DCP2: variants seen among roughly 807,000 people sequenced by gnomAD.
DCP2 encodes decapping mRNA 2.
DCP2 carries 30 observed loss-of-function variants against 56.1 expected under a neutral mutation model. That is an observed-to-expected ratio of 0.53 (90% CI 0.40 to 0.73). DCP2 has a LOEUF of 0.73. Among genes scored for constraint, DCP2 ranks in the 30% least tolerant of loss-of-function variants. The pLI is 0.00. For synonymous variants in DCP2, 197 were observed against 163.3 expected, an observed-to-expected ratio of 1.21 and a Z score of -1.57; for missense variants, 533 against 502.7, an observed-to-expected ratio of 1.06 and a Z score of -0.58.
intron 2 of DCP2, 172 bp downstream of exon 2, chr5:112,986,158 AATC>A: frequency 1.8e-6 from 1 of 569,766 alleles, no homozygotes; most frequent in Non-Finnish European, 2.9e-6. Flanking sequence ...TCATATTAAT[AATC>A]ATAATCATTA....
chr5:112,978,060 C>G (rs1008930104), intron 1 of DCP2, among the ~76,000 whole-genome samples: 1 of 152,062 alleles, frequency 6.6e-6, no homozygotes, highest in African/African-American at 2.4e-5. Flanking sequence ...TCACTGCAAC[C>G]TCTGCCTTCC....
chr5:112,997,195 A>C (rs1485920235), intron 4 of DCP2, among the ~76,000 whole-genome samples: 1 of 152,178 alleles, frequency 6.6e-6, no homozygotes, highest in Non-Finnish European at 1.5e-5. Flanking sequence ...CATTTTGTTT[A>C]GGTCTGTTGG....
chr5:113,010,858 G>T, intron 10 of DCP2, 51 bp downstream of exon 10: 1 of 1,558,874 alleles, frequency 6.4e-7, no homozygotes, highest in South Asian at 1.2e-5. Flanking sequence ...GATTTGGTTT[G>T]GTTTACCTAA....
At chr5:112,980,741 A>G (rs934938943) in intron 1 of DCP2, among the ~76,000 whole-genome samples, 10 of 151,904 alleles carry the variant, frequency 6.6e-5, no homozygotes, top group African/African-American at 2.2e-4. Context: ...TTTATAAATG[A>G]CAGGCAACAG....
Position 113,014,283 on chromosome 5 carries a change from A to T in DCP2, c.*799A>T, listed in dbSNP as rs1030824881. ...CCTGCCTCCAACCCTTTAGTCTCGT[A>T]GACTTTTGTTCTTGTGGAAATTTCT... On this transcript the variant is annotated 3_prime_UTR_variant, in exon 11 of 11. Coordinates refer to ENST00000389063, the MANE Select transcript of DCP2 (RefSeq NM_152624.6). The T allele has an allele frequency of 2.6e-5, 4 of 152,190 alleles. No homozygotes were observed. The highest frequency in any genetic ancestry group is 9.7e-5 in the African/African-American group (4 of 41,444). 9.4% of individuals were successfully genotyped at this position (152,190 alleles called of 1,614,324 possible). A position where few individuals can be genotyped will look rare whatever the true frequency, so the allele number is the denominator to read the frequency against.
At chr5:113,000,383 G>A (rs1190392304) in intron 4 of DCP2, among the ~76,000 whole-genome samples, 2 of 142,606 alleles carry the variant, frequency 1.4e-5, no homozygotes, top group African/African-American at 5.5e-5. Context: ...TTTTTGAAGT[G>A]CAATTACTTG....
chr5:112,988,318 TAA>T (rs71224870), intron 2 of DCP2, among the ~76,000 whole-genome samples: 22 of 136,700 alleles, frequency 1.6e-4, no homozygotes, highest in African/African-American at 3.8e-4. Context: ...CCGTCTCTAC[TAA>T]AAAAAAAAAA....
At chr5:112,988,932 C>T (rs1022338775) in intron 2 of DCP2, among the ~76,000 whole-genome samples, 1 of 152,128 alleles carries the variant, frequency 6.6e-6, no homozygotes, top group African/African-American at 2.4e-5. Context: ...TTACACTTTG[C>T]CTGCTATTAC....
chr5:112,986,068 G>C, intron 2 of DCP2, 82 bp downstream of exon 2: 1 of 1,384,670 alleles, frequency 7.2e-7, no homozygotes, highest in Non-Finnish European at 9.7e-7. Flanking sequence ...TGCCTTTTCA[G>C]ATTTTAAAAC....
intron 1 of DCP2, among the ~76,000 whole-genome samples, chr5:112,981,425 C>T (rs917749422): frequency 8.5e-5 from 13 of 152,078 alleles, no homozygotes; most frequent in African/African-American, 2.7e-4. Context: ...ATTCCCTCGG[C>T]TTCTATCCAG....
rs1003907798 is a variant in DCP2 at position 113,017,314 on chromosome 5, G to A, written c.*3830G>A. 9 of 151,966 alleles carry A rather than the reference G, an allele frequency of 5.9e-5. No homozygotes were observed. Among genetic ancestry groups the A allele is most frequent in the African/African-American group, 2.2e-4 (9 of 41,412 alleles). The allele number at this position is 151,966 out of a possible 1,614,324, so 9.4% of individuals were successfully genotyped here. ...ACTAAACAAAACAAACTGTTTTTTT[G>A]TTTGAAGGTATCCTTTACATACCTG... On this transcript the variant is annotated 3_prime_UTR_variant, in exon 11 of 11. Transcript: ENST00000389063.
intron 2 of DCP2, among the ~76,000 whole-genome samples, chr5:112,990,053 A>G (rs1232329300): frequency 6.6e-6 from 1 of 152,166 alleles, no homozygotes; most frequent in Non-Finnish European, 1.5e-5. Flanking sequence ...TCAAAGGGTA[A>G]GTTTGAGAAG....
chr5:113,001,042 A>G (rs1265158262), intron 4 of DCP2, 42 bp from the exon 5 acceptor site: 5 of 1,552,908 alleles, frequency 3.2e-6, no homozygotes, highest in East Asian at 2.3e-5. Context: ...CTAGAGGCCT[A>G]AGAACTAAAA....
chr5:112,990,747 A>G (rs1463513399), intron 2 of DCP2, among the ~76,000 whole-genome samples: 1 of 152,186 alleles, frequency 6.6e-6, no homozygotes, highest in Non-Finnish European at 1.5e-5. Context: ...TGGCCAAATT[A>G]CAGTGTTGTT....
rs1351269193 is a variant in DCP2, at chr5:113,020,431, T to C, written c.*6947T>C. 1.3e-5 allele frequency: 2 copies of C among 152,248 alleles called. No individual in the cohort carries two copies. Among genetic ancestry groups the C allele is most frequent in the African/African-American group, 2.4e-5 (1 of 41,456 alleles). 9.4% of individuals were successfully genotyped at this position (152,248 alleles called of 1,614,324 possible). ...TGGTATACAGTTCTTGGTGCTCTTT[T>C]GGAAATTGTCAAACATTTACTGATA... On this transcript the variant is annotated 3_prime_UTR_variant, in exon 11 of 11. Transcript: ENST00000389063.
intron 1 of DCP2, among the ~76,000 whole-genome samples, chr5:112,981,306 G>T (rs1747993807): frequency 6.6e-6 from 1 of 151,884 alleles, no homozygotes; most frequent in African/African-American, 2.4e-5. Context: ...TACCATGCTG[G>T]CCCCTTTGTG....
rs539711992 is a variant in DCP2, at chr5:112,981,996, G to T, written c.54-3839G>T. Among the ~76,000 whole-genome samples the T allele has an allele frequency of 7.2e-5, 11 of 152,264 alleles. No individual in the cohort carries two copies. The South Asian group carries it at 2.1e-3, about 29-fold the overall frequency. On this transcript the variant is annotated intron_variant, in intron 1 of 10. Coordinates refer to ENST00000389063, the MANE Select transcript of DCP2 (RefSeq NM_152624.6). The stretch of plus-strand genomic sequence containing the variant: ...TTAGCCAGGCTGGTCTTGAACTCCT[G>T]ACCTCAGGTGATCCGCCTGCCATGG...
intron 7 of DCP2, among the ~76,000 whole-genome samples, chr5:113,002,977 A>G (rs1749248415): frequency 6.6e-6 from 1 of 152,156 alleles, no homozygotes; most frequent in African/African-American, 2.4e-5. Context: ...TGATTTTTAC[A>G]TTTTCTGTAA....
At chr5:112,988,695 T>A (rs967924768) in intron 2 of DCP2, among the ~76,000 whole-genome samples, 1 of 152,010 alleles carries the variant, frequency 6.6e-6, no homozygotes, top group South Asian at 2.1e-4. Context: ...CAGAGGGAAA[T>A]AGAAATATAT....
Sources: gnomAD v4.1 joint callset for allele counts (sites outside exome capture counted in the v4.1 genomes callset) on GRCh38, gnomAD v4.1.1 for gene constraint, MANE v1.5 for transcripts, NCBI Gene and HGNC (gene_info 2026-07-23, HGNC 2026-07-21) for gene names.